The following IMMP1L variants were observed in gnomAD, a reference collection of about 807,000 sequenced individuals.
IMMP1L encodes inner mitochondrial membrane peptidase subunit 1.
A neutral mutation model predicts 21.8 loss-of-function variants in IMMP1L; 24 were observed. The observed-to-expected ratio is 1.10, with a 90% CI of 0.80 to 1.55. IMMP1L has a LOEUF of 1.55. Ranked by LOEUF, IMMP1L falls within the 40% of genes most tolerant of loss-of-function variation. The pLI is 0.00. For missense variants in IMMP1L, 195 were observed against 200.7 expected, an observed-to-expected ratio of 0.97 and a Z score of 0.17; for synonymous variants, 46 against 62.8, an observed-to-expected ratio of 0.73 and a Z score of 1.26.
Position 31,446,210 on chromosome 11 carries a change from C to A in IMMP1L, c.321+10050G>T, listed in dbSNP as rs545918400. Among the ~76,000 whole-genome samples, 4 of 152,282 alleles carry A rather than the reference C, an allele frequency of 2.6e-5. No homozygotes were observed. The South Asian group carries it at 8.3e-4, about 32-fold the overall frequency. On this transcript the variant is annotated intron_variant, in intron 4 of 5. Coordinates refer to ENST00000532287, the MANE Select transcript of IMMP1L (RefSeq NM_001304274.2). ...AATTCCCTTTCTTCCAGCATCCAAT[C>A]TTCTCTAGATTATTTCCTTAATCTT...
At position 31,493,184 on chromosome 11, in the gene IMMP1L, G is replaced by A. The variant is rs1955314001; in HGVS notation, c.-30+16335C>T. ...CATTTTCATGCTGCTATAAAGAACT[G>A]CCCAAGACTGGGTAATTTATAAAGA... On this transcript the variant is annotated intron_variant, in intron 1 of 5. Coordinates refer to ENST00000532287, the MANE Select transcript of IMMP1L (RefSeq NM_001304274.2). Among the ~76,000 whole-genome samples the A allele has an allele frequency of 2.0e-5, 3 of 152,152 alleles. No homozygotes were observed. In the South Asian group the frequency reaches 6.2e-4, roughly 32 times the overall value.
chr11:31,495,894 G>A (rs1955415737), intron 1 of IMMP1L, among the ~76,000 whole-genome samples: 1 of 152,042 alleles, frequency 6.6e-6, no homozygotes, highest in Non-Finnish European at 1.5e-5. Flanking sequence ...CTAAATGGAA[G>A]AGCTAAAACT....
At chr11:31,478,780 T>C (rs1277749487) in intron 1 of IMMP1L, among the ~76,000 whole-genome samples, 1 of 152,162 alleles carries the variant, frequency 6.6e-6, no homozygotes, top group Non-Finnish European at 1.5e-5. Flanking sequence ...AAAATATGTA[T>C]GCCTACAGTA....
At chr11:31,473,920 T>C (rs1954648800) in intron 1 of IMMP1L, 1 of 177,208 alleles carries the variant, frequency 5.6e-6, no homozygotes. Flanking sequence ...AATTCATTCA[T>C]TCTAAAGTAT....
intron 1 of IMMP1L, among the ~76,000 whole-genome samples, chr11:31,506,994 T>C (rs1955797940): frequency 7.0e-6 from 1 of 142,886 alleles, no homozygotes; most frequent in African/African-American, 2.6e-5. Context: ...AAAAAACCCA[T>C]ATTTGGCTGA....
At chr11:31,478,387 G>A (rs1318810297) in intron 1 of IMMP1L, among the ~76,000 whole-genome samples, 2 of 152,172 alleles carry the variant, frequency 1.3e-5, no homozygotes, top group African/African-American at 4.8e-5. Context: ...TAACAATCAT[G>A]CTCTGTAATT....
chr11:31,490,849 G>A (rs1209756246), intron 1 of IMMP1L, among the ~76,000 whole-genome samples: 1 of 152,054 alleles, frequency 6.6e-6, no homozygotes, highest in African/African-American at 2.4e-5. Flanking sequence ...ATTACAAAGG[G>A]TCCTAAATCC....
intron 4 of IMMP1L, among the ~76,000 whole-genome samples, chr11:31,448,718 ATAC>A (rs1490569621): frequency 1.3e-5 from 2 of 152,210 alleles, no homozygotes; most frequent in East Asian, 1.9e-4. Flanking sequence ...CATATAAAAT[ATAC>A]TACTACAAAA....
At chr11:31,475,439 T>G (rs902753503) in intron 1 of IMMP1L, among the ~76,000 whole-genome samples, 1 of 152,186 alleles carries the variant, frequency 6.6e-6, no homozygotes, top group Non-Finnish European at 1.5e-5. Flanking sequence ...GAACGGCTTT[T>G]AGAGAGATCA....
At chr11:31,490,476 A>G (rs1259097827) in intron 1 of IMMP1L, among the ~76,000 whole-genome samples, 4 of 152,022 alleles carry the variant, frequency 2.6e-5, no homozygotes, top group Admixed American at 6.6e-5. Flanking sequence ...ATCTAAAAAA[A>G]AAAAAAAAGC....
At chr11:31,452,201 A>G (rs1387066935) in intron 4 of IMMP1L, 3 of 982,546 alleles carry the variant, frequency 3.1e-6, no homozygotes, top group Non-Finnish European at 3.6e-6. Context: ...GTTTGTTTAG[A>G]TGCAGATTTT....
chr11:31,478,752 T>C (rs1480610827), intron 1 of IMMP1L, among the ~76,000 whole-genome samples: 11 of 152,170 alleles, frequency 7.2e-5, no homozygotes, highest in Admixed American at 7.2e-4. Flanking sequence ...AAGTCAATTA[T>C]GTATGACCAT....
chr11:31,458,469 C>T (rs889473152), intron 3 of IMMP1L, among the ~76,000 whole-genome samples: 3 of 152,024 alleles, frequency 2.0e-5, no homozygotes, highest in Admixed American at 6.6e-5. Context: ...CTGACTGTCT[C>T]AAGGTTGAGT....
intron 1 of IMMP1L, among the ~76,000 whole-genome samples, chr11:31,488,002 C>T (rs1955139170): frequency 1.3e-5 from 2 of 152,026 alleles, no homozygotes; most frequent in African/African-American, 2.4e-5. Flanking sequence ...CAGTTATTTG[C>T]CCATCTATTA....
intron 2 of IMMP1L, 125 bp downstream of exon 2, chr11:31,463,047 T>A (rs1954204857): frequency 4.3e-6 from 3 of 695,198 alleles, no homozygotes; most frequent in Admixed American, 3.4e-5. Context: ...AGATTTTATG[T>A]TTTAACTTTC....
At chr11:31,451,465 G>A (rs1953754180) in intron 4 of IMMP1L, among the ~76,000 whole-genome samples, 1 of 152,162 alleles carries the variant, frequency 6.6e-6, no homozygotes, top group Non-Finnish European at 1.5e-5. Flanking sequence ...TATATAGAAG[G>A]TATAATCATG....
At chr11:31,497,363 T>G (rs1287278145) in intron 1 of IMMP1L, among the ~76,000 whole-genome samples, 21 of 152,110 alleles carry the variant, frequency 1.4e-4, no homozygotes, top group Middle Eastern at 3.4e-3. Context: ...GTGCTTATAA[T>G]AAGTTGGCAA....
chr11:31,504,281 T>C (rs915858259), intron 1 of IMMP1L, among the ~76,000 whole-genome samples: 4 of 152,184 alleles, frequency 2.6e-5, no homozygotes, highest in African/African-American at 4.8e-5. Context: ...TACAGAATGA[T>C]AGAAGATATT....
At chr11:31,492,252 T>C (rs959423555) in intron 1 of IMMP1L, among the ~76,000 whole-genome samples, 3 of 152,230 alleles carry the variant, frequency 2.0e-5, no homozygotes, top group African/African-American at 7.2e-5. Flanking sequence ...TACACTTTTA[T>C]GTTATGGCTT....
Sources: gnomAD v4.1 joint callset for allele counts (sites outside exome capture counted in the v4.1 genomes callset) on GRCh38, gnomAD v4.1.1 for gene constraint, MANE v1.5 for transcripts, NCBI Gene and HGNC (gene_info 2026-07-23, HGNC 2026-07-21) for gene names.